RAC2: variants seen among roughly 807,000 people sequenced by gnomAD.
RAC2 encodes ras-related C3 botulinum toxin substrate 2.
Under a neutral mutation model 24.0 loss-of-function variants are expected in RAC2, and 1 was observed. The ratio of observed to expected loss-of-function variants is 0.04; its 90% CI spans 0.01 to 0.20. The LOEUF (loss-of-function observed/expected upper bound fraction) is 0.20. Among genes scored for constraint, RAC2 ranks in the 10% least tolerant of loss-of-function variants. RAC2 has a pLI of 1.00. For missense variants in RAC2, 130 were observed against 259.1 expected, an observed-to-expected ratio of 0.50 and a Z score of 3.42; for synonymous variants, 114 against 106.8, an observed-to-expected ratio of 1.07 and a Z score of -0.41.
In RAC2 at chr22:37,239,906, G is replaced by A. The variant is rs142896017; in HGVS notation, c.107+1681C>T. 2.5e-3 allele frequency among the ~76,000 whole-genome samples: 386 copies of A among 152,290 alleles called. 4 individuals are homozygous for A. Among genetic ancestry groups the A allele is most frequent in the African/African-American group, 8.9e-3 (371 of 41,542 alleles). ...ACTTAGAGGCACCTGATAAACGTTT[G>A]ATAGTTGATGGTGAGTGGGCAGGAA... On this transcript the variant is annotated intron_variant, in intron 2 of 6. Coordinates refer to ENST00000249071, the MANE Select transcript of RAC2 (RefSeq NM_002872.5).
rs1329699663 is a variant in RAC2 at position 37,231,260 on chromosome 22, G to A, written c.419C>T (p.Pro140Leu). ...CTCCTTGGCCAGTGCCAGGCCCTGCGGGTAGGTGATGGGAGCCAGCTTCTT... is the reference window on the plus strand; with the variant it reads ...CTCCTTGGCCAGTGCCAGGCCCTGCAGGTAGGTGATGGGAGCCAGCTTCTT... Reference protein sequence around the residue: ...KEKKLAPITYPQGLALAKEID... With the variant: ...KEKKLAPITYLQGLALAKEID... The change falls in exon 5 of 7, where the codon CCG becomes CTG. Residue 140 changes from proline (P) to leucine (L), a missense_variant. Pro to Leu is a moderately conservative substitution (Grantham distance 98). This residue lies in a region of RAC2 where 119 missense variants were observed against 192.1 expected (regional missense o/e 0.62). Transcript: ENST00000249071. The surrounding 1 kb of genome is among the most constrained non-coding windows in gnomAD (Gnocchi z 5.5). 6.2e-7 allele frequency: 1 copy of A among 1,613,708 alleles called. No individual in the cohort carries two copies. Among genetic ancestry groups the A allele is most frequent in the Non-Finnish European group, 8.5e-7 (1 of 1,180,020 alleles).
chr22:37,237,058 G>A (rs1369172962), intron 2 of RAC2, among the ~76,000 whole-genome samples: 1 of 152,052 alleles, frequency 6.6e-6, no homozygotes, highest in East Asian at 1.9e-4. Flanking sequence ...GTGTGGTGGT[G>A]CATGCCTGTA....
At chr22:37,235,245 G>T (rs1038471777) in intron 2 of RAC2, among the ~76,000 whole-genome samples, 2 of 152,082 alleles carry the variant, frequency 1.3e-5, no homozygotes, top group Non-Finnish European at 2.9e-5. Context: ...AATACACTTT[G>T]CCTGTCCAGC....
rs1292434382 is a variant in RAC2 at position 37,232,131 on chromosome 22, G to C, written c.226-137C>G. ...ATGCTGGGGACTTAGGATCTGGGCA[G>C]AGCAGAGATACCCTTCTCGCCTCTA... On this transcript the variant is annotated intron_variant, in intron 3 of 6. Coordinates refer to ENST00000249071, the MANE Select transcript of RAC2 (RefSeq NM_002872.5). 10 of 869,258 alleles carry C rather than the reference G, an allele frequency of 1.2e-5. No individual in the cohort carries two copies. The East Asian group carries it at 2.6e-4, about 23-fold the overall frequency. 53.8% of individuals were successfully genotyped at this position (869,258 alleles called of 1,614,324 possible).
chr22:37,232,389 C>T (rs1927092861), intron 3 of RAC2: 1 of 418,474 alleles, frequency 2.4e-6, no homozygotes, highest in African/African-American at 2.0e-5. Context: ...GATTACCGGC[C>T]TTAGCCGCCT....
At position 37,231,203 on chromosome 22, in the gene RAC2, A is replaced by T. The variant is rs1269269158; in HGVS notation, c.448+28T>A. The T allele has an allele frequency of 4.3e-6, 7 of 1,612,232 alleles. No individual in the cohort carries two copies. The highest frequency in any genetic ancestry group is 2.2e-5 in the East Asian group (1 of 44,882). On this transcript the variant is annotated intron_variant, in intron 5 of 6. Transcript: ENST00000249071. This position sits in a 1 kb window ranked among gnomAD's most constrained non-coding sequence, Gnocchi z 5.5. ...AAGTCAGGGCCTCCCCTGCAGCCAG[A>T]TCGCCCCTCTGAGCCCGAGGCCCAT...
At chr22:37,234,128 G>A (rs1927155094) in intron 2 of RAC2, among the ~76,000 whole-genome samples, 1 of 151,852 alleles carries the variant, frequency 6.6e-6, no homozygotes, top group South Asian at 2.1e-4. Flanking sequence ...ATCGGGTGCA[G>A]AGCCAGCGCT....
At position 37,232,870 on chromosome 22, in the gene RAC2, G is replaced by A. The variant is rs1266609909; in HGVS notation, c.156C>T (p.Asn52=). 3 of 1,613,992 alleles carry A rather than the reference G, an allele frequency of 1.9e-6. No homozygotes were observed. Among genetic ancestry groups the A allele is most frequent in the Admixed American group, 3.3e-5 (2 of 59,996 alleles). ...GCCCAGCAGTGTCCCACAGCCCCAG[G>A]TTCACTGGCTTGCTGTCCACCATCA... ...ANVMVDSKPV[N]LGLWDTAGQE... is the part of the protein sequence containing the mutation. The change falls in exon 3 of 7, where the codon AAC becomes AAT. Residue 52 remains asparagine (N), a synonymous_variant. Transcript: ENST00000249071.
chr22:37,228,363 G>C (rs1329054719), intron 5 of RAC2, among the ~76,000 whole-genome samples: 5 of 152,348 alleles, frequency 3.3e-5, no homozygotes, highest in Non-Finnish European at 7.3e-5. Context: ...CCACCCCCAG[G>C]GACGGCGTTC....
chr22:37,240,346 G>T (rs1247451096), intron 2 of RAC2, among the ~76,000 whole-genome samples: 1 of 152,260 alleles, frequency 6.6e-6, no homozygotes, highest in Non-Finnish European at 1.5e-5. Flanking sequence ...TCTGAAGCTG[G>T]ACAGGACCGT....
chr22:37,242,812 CG>C (rs1351372693), intron 1 of RAC2, among the ~76,000 whole-genome samples: 5 of 152,224 alleles, frequency 3.3e-5, no homozygotes, highest in African/African-American at 1.2e-4. Flanking sequence ...CAGCCAAAGT[CG>C]GGGCCACAGG....
chr22:37,242,078 C>T (rs1416815438), intron 1 of RAC2, among the ~76,000 whole-genome samples: 3 of 152,232 alleles, frequency 2.0e-5, no homozygotes, highest in African/African-American at 7.2e-5. Context: ...TAACCTGCCT[C>T]TGCCTCAGTT....
At position 37,234,823 on chromosome 22, in the gene RAC2, G is replaced by A. The variant is rs372376321; in HGVS notation, c.108-1905C>T. Among the ~76,000 whole-genome samples the A allele has an allele frequency of 9.0e-4, 137 of 152,224 alleles. No individual in the cohort carries two copies. The Middle Eastern group carries it at 0.014, about 15-fold the overall frequency. Reference sequence around the variant, plus strand: ...CTGTCTGTATCTCCCTCTGGAATACGCTTCCAGCCCCATTTCACTCCCAAC... The same window carrying A: ...CTGTCTGTATCTCCCTCTGGAATACACTTCCAGCCCCATTTCACTCCCAAC... On this transcript the variant is annotated intron_variant, in intron 2 of 6. Coordinates refer to ENST00000249071, the MANE Select transcript of RAC2 (RefSeq NM_002872.5).
rs370129583 is a variant in RAC2 at position 37,226,108 on chromosome 22, C to T, written c.*3-69G>A. The T allele has an allele frequency of 1.6e-3, 249 of 160,382 alleles. 4 individuals are homozygous for T. The South Asian group carries it at 0.026, about 17-fold the overall frequency. The allele number at this position is 160,382 out of a possible 1,614,324, so 9.9% of individuals were successfully genotyped here. On this transcript the variant is annotated intron_variant, in intron 6 of 6. Coordinates refer to ENST00000249071, the MANE Select transcript of RAC2 (RefSeq NM_002872.5). ...GAATCCACAGCTCTCGCCTTCCTGG[C>T]TCACAGCTCATTCCCACCTCCAGGT... is the stretch of plus-strand genomic sequence containing the variant.
intron 1 of RAC2, among the ~76,000 whole-genome samples, chr22:37,243,064 T>C (rs1053303978): frequency 6.6e-6 from 1 of 152,162 alleles, no homozygotes; most frequent in Non-Finnish European, 1.5e-5. Flanking sequence ...AGTGGCACCA[T>C]TATAGCTCAC....
chr22:37,232,047 C>T (rs1014249932), intron 3 of RAC2, 53 bp from the exon 4 acceptor site: 1 of 1,526,280 alleles, frequency 6.6e-7, no homozygotes. Context: ...AGGTGTCCCA[C>T]CATGGCAGCC....
intron 5 of RAC2, among the ~76,000 whole-genome samples, chr22:37,228,835 G>C (rs1016657699): frequency 5.3e-5 from 8 of 152,346 alleles, no homozygotes; most frequent in African/African-American, 1.4e-4. Context: ...GAGGCTCAGA[G>C]AGGATGTCAC....
intron 1 of RAC2, among the ~76,000 whole-genome samples, chr22:37,242,373 A>G (rs1274216954): frequency 6.6e-6 from 1 of 152,124 alleles, no homozygotes; most frequent in African/African-American, 2.4e-5. Flanking sequence ...AAATGGACCT[A>G]TTAGGTTTGG....
In RAC2 at chr22:37,231,843, C is replaced by A. The variant is rs537225854; in HGVS notation, c.288+89G>T. The A allele has an allele frequency of 8.1e-5, 117 of 1,449,722 alleles. No individual in the cohort carries two copies. The highest frequency in any genetic ancestry group is 4.5e-4 in the Admixed American group (23 of 50,780). 89.8% of individuals were successfully genotyped at this position (1,449,722 alleles called of 1,614,324 possible). On this transcript the variant is annotated intron_variant, in intron 4 of 6. Transcript: ENST00000249071. The surrounding 1 kb of genome is among the most constrained non-coding windows in gnomAD (Gnocchi z 5.5). ...TCTCTGTATGCGACCTCTGCTGCCC[C>A]AGGGACCAGCCTAGAGTCACCAGTT...
Sources: gnomAD v4.1 joint callset for allele counts (sites outside exome capture counted in the v4.1 genomes callset) on GRCh38, gnomAD v4.1.1 for gene constraint, gnomAD v4.1.1 regional missense constraint, Gnocchi (gnomAD v3.1) non-coding constraint, MANE v1.5 for transcripts, NCBI Gene and HGNC (gene_info 2026-07-23, HGNC 2026-07-21) for gene names.